The following EIF3L variants were observed in gnomAD, a reference collection of about 807,000 sequenced individuals.
EIF3L encodes eIEF associated protein HSPC021.
In EIF3L, 32 loss-of-function variants were observed where a neutral mutation model predicts 74.6. That is an observed-to-expected ratio of 0.43 (90% CI 0.32 to 0.58). EIF3L has a LOEUF of 0.58. Ranked by LOEUF, EIF3L falls within the 20% of genes least tolerant of loss-of-function variation. EIF3L has a pLI of 0.06. For missense variants in EIF3L, 474 were observed against 707.8 expected, an observed-to-expected ratio of 0.67 and a Z score of 3.75; for synonymous variants, 256 against 254.4, an observed-to-expected ratio of 1.01 and a Z score of -0.06.
chr22:37,854,326 A>G (rs1322574082), intron 3 of EIF3L, among the ~76,000 whole-genome samples: 1 of 152,226 alleles, frequency 6.6e-6, no homozygotes, highest in Non-Finnish European at 1.5e-5. Flanking sequence ...GAGGGCCTTG[A>G]TAACCTTAGC....
chr22:37,867,118 G>T (rs2145819787), intron 7 of EIF3L, among the ~76,000 whole-genome samples: 1 of 152,168 alleles, frequency 6.6e-6, no homozygotes, highest in East Asian at 1.9e-4. Context: ...GCTCATTGCA[G>T]CCTTGACCTC....
intron 5 of EIF3L, among the ~76,000 whole-genome samples, chr22:37,860,129 G>A (rs1048858191): frequency 6.6e-6 from 1 of 152,168 alleles, no homozygotes; most frequent in African/African-American, 2.4e-5. Context: ...GTCAGCATCT[G>A]CACTTGGCTG....
At chr22:37,868,492 C>T (rs1926287772) in intron 7 of EIF3L, among the ~76,000 whole-genome samples, 1 of 151,410 alleles carries the variant, frequency 6.6e-6, no homozygotes, top group Non-Finnish European at 1.5e-5. Context: ...CTTGCTCTGT[C>T]ACCTAGGCTG....
chr22:37,878,156 C>G lies in EIF3L; in HGVS notation c.1560C>G (p.Asp520Glu). Residue 520 changes from aspartate to glutamate, a missense_variant, in exon 11 of 13, where the codon GAC becomes GAG. By Grantham distance (45) the Asp-to-Glu change is conservative. Transcript: ENST00000652021. Reference sequence around the variant, plus strand: ...AATTTCAGTCAGCCTCAGAGGTTGACTTCTACATTGATAAGGTATGCCTGT... The same window carrying G: ...AATTTCAGTCAGCCTCAGAGGTTGAGTTCTACATTGATAAGGTATGCCTGT... ...DGEFQSASEV[D>E]FYIDKDMIHI... 6.2e-7 allele frequency: 1 copy of G among 1,608,638 alleles called. No homozygotes were observed. The highest frequency in any genetic ancestry group is 8.5e-7 in the Non-Finnish European group (1 of 1,176,498).
chr22:37,862,852 GAA>G (rs1569114593), intron 5 of EIF3L, 115 bp from the exon 6 acceptor site: 2 of 743,638 alleles, frequency 2.7e-6, no homozygotes, highest in East Asian at 2.7e-5. Context: ...TACATAGTAA[GAA>G]AGAGAGGACA....
intron 7 of EIF3L, among the ~76,000 whole-genome samples, chr22:37,868,118 T>A (rs2145821500): frequency 7.1e-6 from 1 of 140,178 alleles, no homozygotes; most frequent in Non-Finnish European, 1.6e-5. Context: ...GGATTTTTTT[T>A]TTTTTTTTTT....
At chr22:37,862,928 A>G (rs1236012423) in intron 5 of EIF3L, 41 bp from the exon 6 acceptor site, 4 of 1,494,838 alleles carry the variant, frequency 2.7e-6, no homozygotes, top group Non-Finnish European at 3.7e-6. Context: ...ACACATTAAA[A>G]TTAAATATCT....
intron 3 of EIF3L, among the ~76,000 whole-genome samples, 191 bp from the exon 4 acceptor site, chr22:37,855,374 A>G (rs1298145164): frequency 6.6e-6 from 1 of 152,144 alleles, no homozygotes; most frequent in Non-Finnish European, 1.5e-5. Flanking sequence ...CAAAAACAAT[A>G]TTTTCTTGTG....
intron 7 of EIF3L, among the ~76,000 whole-genome samples, chr22:37,863,772 G>A (rs1925991983): frequency 6.6e-6 from 1 of 151,100 alleles, no homozygotes; most frequent in Admixed American, 6.6e-5. Flanking sequence ...TTTTTTTTAA[G>A]AGTCAGGGTC....
chr22:37,859,338 C>G (rs1329900021), intron 5 of EIF3L, among the ~76,000 whole-genome samples: 5 of 139,094 alleles, frequency 3.6e-5, no homozygotes, highest in Non-Finnish European at 7.6e-5. Context: ...AGATTCTGTT[C>G]TTCCCGACTT....
chr22:37,886,246 A>G (rs2145847497), intron 11 of EIF3L: 1 of 151,602 alleles, frequency 6.6e-6, no homozygotes, highest in African/African-American at 2.4e-5. Context: ...TCTAGAAAAT[A>G]AAAGTACAAA....
At chr22:37,859,980 C>A (rs150511089) in intron 5 of EIF3L, among the ~76,000 whole-genome samples, 1 of 152,040 alleles carries the variant, frequency 6.6e-6, no homozygotes, top group Non-Finnish European at 1.5e-5. Context: ...CCACTGCACT[C>A]CAGCCTGGGT....
chr22:37,885,879 A>AC (rs1318087586), intron 11 of EIF3L: 1 of 151,402 alleles, frequency 6.6e-6, no homozygotes, highest in Non-Finnish European at 1.5e-5. Context: ...GCCAGCATAA[A>AC]CATCTTTATT....
chr22:37,860,284 T>C (rs1202482440), intron 5 of EIF3L, among the ~76,000 whole-genome samples: 2 of 152,078 alleles, frequency 1.3e-5, no homozygotes, highest in Non-Finnish European at 2.9e-5. Flanking sequence ...ATTCTTGACT[T>C]TTCTCTGACA....
chr22:37,878,323 A>T (rs1601779369), intron 11 of EIF3L, 152 bp downstream of exon 11: 1 of 965,924 alleles, frequency 1.0e-6, no homozygotes, highest in East Asian at 2.7e-5. Flanking sequence ...CATGCCAGTA[A>T]TACTAGTACT....
chr22:37,851,235 A>G (rs201143097), intron 2 of EIF3L, 45 bp from the exon 3 acceptor site: 11 of 1,559,928 alleles, frequency 7.1e-6, no homozygotes, highest in Middle Eastern at 1.7e-4. Context: ...TCTATCATAT[A>G]TGTGGGTTTG....
chr22:37,875,704 G>A (rs936329835), intron 9 of EIF3L, 137 bp from the exon 10 acceptor site: 7 of 700,186 alleles, frequency 1.0e-5, no homozygotes, highest in African/African-American at 9.1e-5. Context: ...AGGAAGATCC[G>A]CTCTCAAACT....
In EIF3L at chr22:37,874,364, T is replaced by C; in HGVS notation, c.752-6T>C. 1 of 1,613,464 alleles carries C rather than the reference T, an allele frequency of 6.2e-7. No homozygotes were observed. The highest frequency in any genetic ancestry group is 8.5e-7 in the Non-Finnish European group (1 of 1,179,610). On this transcript the variant is annotated splice_region_variant and splice_polypyrimidine_tract_variant and intron_variant, in intron 8 of 12. Transcript: ENST00000652021. ...TATCAGTATTCACGGTGTCTGTCTCTTTCAGGTGACCCTGAGAGTGTGGCT... is the reference window on the plus strand; with the variant it reads ...TATCAGTATTCACGGTGTCTGTCTCCTTCAGGTGACCCTGAGAGTGTGGCT...
At chr22:37,862,606 C>T (rs905074092) in intron 5 of EIF3L, among the ~76,000 whole-genome samples, 4 of 152,164 alleles carry the variant, frequency 2.6e-5, no homozygotes, top group African/African-American at 9.7e-5. Context: ...TAGTGATGCC[C>T]GGTGCAGCAT....
Sources: gnomAD v4.1 joint callset for allele counts (sites outside exome capture counted in the v4.1 genomes callset) on GRCh38, gnomAD v4.1.1 for gene constraint, MANE v1.5 for transcripts, NCBI Gene and HGNC (gene_info 2026-07-23, HGNC 2026-07-21) for gene names.